The following OPCML variants were observed in gnomAD, a reference collection of about 807,000 sequenced individuals.
The protein encoded by OPCML is opioid-binding protein/cell adhesion molecule.
Under a neutral mutation model 37.8 loss-of-function variants are expected in OPCML, and 13 were observed. The observed-to-expected ratio is 0.34, with a 90% confidence interval of 0.22 to 0.55. The LOEUF is 0.55. Ranked by LOEUF, OPCML falls within the 20% of genes least tolerant of loss-of-function variation. The pLI, the probability that OPCML is intolerant of heterozygous loss-of-function variation, is 0.91. For missense variants in OPCML, 341 were observed against 435.6 expected (o/e 0.78, Z 1.93); for synonymous variants, 176 against 168.8 (o/e 1.04, Z -0.33).
At chr11:132,875,905 G>A (rs1413996126) in intron 2 of OPCML, among the ~76,000 whole-genome samples, 1 of 152,162 alleles carries the variant, frequency 6.6e-6, no homozygotes, top group Non-Finnish European at 1.5e-5. Flanking sequence ...CAACCATATC[G>A]ACATACAAAC....
intron 1 of OPCML, among the ~76,000 whole-genome samples, chr11:133,170,948 T>C (rs1950280646): frequency 1.3e-5 from 2 of 152,210 alleles, no homozygotes; most frequent in African/African-American, 4.8e-5. Context: ...TCAGAGTTCC[T>C]GAGCCTTAGG....
At chr11:133,285,866 A>C (rs939689726) in intron 1 of OPCML, among the ~76,000 whole-genome samples, 1 of 152,218 alleles carries the variant, frequency 6.6e-6, no homozygotes, top group Admixed American at 6.5e-5. Flanking sequence ...CAGTACAAAG[A>C]TGTGAACAGT....
chr11:132,910,099 T>C (rs1398721808), intron 2 of OPCML, among the ~76,000 whole-genome samples: 1 of 152,152 alleles, frequency 6.6e-6, no homozygotes, highest in Non-Finnish European at 1.5e-5. Context: ...TTCCTGCATG[T>C]GAAATCCTGG....
At chr11:133,272,757 C>A (rs1941886551) in intron 1 of OPCML, among the ~76,000 whole-genome samples, 1 of 152,196 alleles carries the variant, frequency 6.6e-6, no homozygotes, top group Admixed American at 6.5e-5. Flanking sequence ...TTGTTCCCTT[C>A]CTCAGCTTCA....
At chr11:132,780,904 G>A (rs527479524) in intron 2 of OPCML, among the ~76,000 whole-genome samples, 52 of 152,244 alleles carry the variant, frequency 3.4e-4, no homozygotes, top group South Asian at 1.2e-3. Context: ...ACTCACTGGG[G>A]AAGTAGTATA....
intron 2 of OPCML, among the ~76,000 whole-genome samples, chr11:132,766,094 T>C (rs12787672): frequency 0.12 from 10,207 of 88,210 alleles, 382 homozygotes; most frequent in African/African-American, 0.13. Context: ...CCCATGCTTA[T>C]AATTTAAAAA....
chr11:132,714,233 G>A (rs1424096323), intron 2 of OPCML, among the ~76,000 whole-genome samples: 1 of 152,156 alleles, frequency 6.6e-6, no homozygotes, highest in Non-Finnish European at 1.5e-5. Flanking sequence ...TCCTTAAGAT[G>A]TTAAGACATG....
chr11:132,524,989 C>A (rs1044203898), intron 4 of OPCML, among the ~76,000 whole-genome samples: 2 of 152,210 alleles, frequency 1.3e-5, no homozygotes, highest in Non-Finnish European at 2.9e-5. Flanking sequence ...GCTACCCAGA[C>A]TCCTCTCATT....
chr11:133,035,943 A>G (rs1947775518), intron 1 of OPCML, among the ~76,000 whole-genome samples: 2 of 152,296 alleles, frequency 1.3e-5, no homozygotes, highest in South Asian at 2.1e-4. Context: ...CAAACCTGCT[A>G]GCATCTTCAT....
At chr11:132,848,667 C>T (rs967205546) in intron 2 of OPCML, among the ~76,000 whole-genome samples, 3 of 152,198 alleles carry the variant, frequency 2.0e-5, no homozygotes, top group African/African-American at 7.2e-5. Flanking sequence ...ACTAGTCAGC[C>T]TGACATTACA....
intron 3 of OPCML, among the ~76,000 whole-genome samples, chr11:132,535,393 C>T (rs934755640): frequency 1.3e-5 from 2 of 152,010 alleles, no homozygotes; most frequent in African/African-American, 4.8e-5. Context: ...CCATGTCCTG[C>T]CCAGCCAGGA....
At chr11:133,246,088 C>T (rs1940913329) in intron 1 of OPCML, among the ~76,000 whole-genome samples, 1 of 152,084 alleles carries the variant, frequency 6.6e-6, no homozygotes, top group South Asian at 2.1e-4. Context: ...TAAAAAACCA[C>T]TTTCTGCACA....
intron 3 of OPCML, among the ~76,000 whole-genome samples, chr11:132,539,576 G>T (rs186546776): frequency 1.3e-5 from 2 of 152,216 alleles, no homozygotes; most frequent in Non-Finnish European, 2.9e-5. Context: ...GATAAAGGTG[G>T]TGATAAACAT....
At chr11:132,822,509 T>C (rs1237030703) in intron 2 of OPCML, among the ~76,000 whole-genome samples, 1 of 152,028 alleles carries the variant, frequency 6.6e-6, no homozygotes, top group Non-Finnish European at 1.5e-5. Flanking sequence ...GTGAAGTGTG[T>C]GTGTGTGTGT....
At chr11:132,771,896 C>G (rs958571651) in intron 2 of OPCML, 1 of 152,180 alleles carries the variant, frequency 6.6e-6, no homozygotes, top group Non-Finnish European at 1.5e-5. Context: ...CAGGAGCTAA[C>G]GCGGCCTCTT....
intron 7 of OPCML, among the ~76,000 whole-genome samples, chr11:132,428,806 A>G (rs941298449): frequency 2.0e-5 from 3 of 152,210 alleles, no homozygotes; most frequent in Non-Finnish European, 4.4e-5. Context: ...TAACAATATC[A>G]ATCTCAAAGT....
chr11:132,852,178 C>T (rs1219833892), intron 2 of OPCML, among the ~76,000 whole-genome samples: 2 of 152,098 alleles, frequency 1.3e-5, no homozygotes, highest in South Asian at 2.1e-4. Flanking sequence ...TTTGCAGTTG[C>T]CTTTCTTTGC....
intron 4 of OPCML, among the ~76,000 whole-genome samples, chr11:132,500,789 G>C (rs73586929): frequency 0.035 from 5,285 of 152,124 alleles, 300 homozygotes; most frequent in African/African-American, 0.11. Context: ...CCACTTATGA[G>C]TGAGAACATG....
At chr11:132,634,620 G>A (rs896618829) in intron 3 of OPCML, among the ~76,000 whole-genome samples, 10 of 152,102 alleles carry the variant, frequency 6.6e-5, no homozygotes, top group African/African-American at 2.4e-4. Context: ...CTAAAGATGG[G>A]GTGTCCTCGC....
Sources: allele counts gnomAD v4.1 joint callset (sites outside exome capture counted in the v4.1 genomes callset), GRCh38; gene constraint gnomAD v4.1.1; transcripts MANE v1.5; gene names NCBI Gene and HGNC (gene_info 2026-07-23, HGNC 2026-07-21).